Variants in TMEM170A observed in about 807,000 individuals in gnomAD.
TMEM170A encodes the protein transmembrane protein 170.
A neutral mutation model predicts 12.8 loss-of-function variants in TMEM170A; 18 were observed. The ratio of observed to expected loss-of-function variants is 1.41; its 90% CI spans 0.97 to 2.09. The LOEUF (loss-of-function observed/expected upper bound fraction) is 2.09, where lower values mean the gene tolerates loss of function less well. Among genes scored for constraint, TMEM170A ranks in the 30% most tolerant of loss-of-function variants. TMEM170A has a pLI of 0.00. For synonymous variants in TMEM170A, 107 were observed against 76.2 expected, an observed-to-expected ratio of 1.40 and a Z score of -2.11; for missense variants, 220 against 179.9, an observed-to-expected ratio of 1.22 and a Z score of -1.28.
chr16:75,450,196 A>C lies in TMEM170A; in HGVS notation c.304+1473T>G, dbSNP rs967629221. 1.1e-4 allele frequency among the ~76,000 whole-genome samples: 16 copies of C among 151,914 alleles called. 2 individuals are homozygous for C. The highest frequency in any genetic ancestry group is 6.6e-4 in the Admixed American group (10 of 15,230). Reference sequence around the variant, plus strand: ...ACTTTCTCTCAAAAAAAAAAAAAAAAAACACCTCAAGTCAAAGACATAGAG... The same window carrying C: ...ACTTTCTCTCAAAAAAAAAAAAAAACAACACCTCAAGTCAAAGACATAGAG... On this transcript the variant is annotated intron_variant, in intron 2 of 2. Transcript: ENST00000561878.
At chr16:75,456,356 G>A (rs1420489955) in intron 1 of TMEM170A, among the ~76,000 whole-genome samples, 3 of 152,130 alleles carry the variant, frequency 2.0e-5, no homozygotes, top group Non-Finnish European at 4.4e-5. Context: ...TGGAGGCTGA[G>A]GCGGGTGGAT....
chr16:75,456,157 C>A (rs904177157), intron 1 of TMEM170A, among the ~76,000 whole-genome samples: 2 of 152,078 alleles, frequency 1.3e-5, no homozygotes, highest in African/African-American at 4.8e-5. Flanking sequence ...AAATTCTTTG[C>A]CCATTTTGAG....
intron 1 of TMEM170A, among the ~76,000 whole-genome samples, chr16:75,461,651 G>C (rs1250121873): frequency 6.6e-6 from 1 of 152,192 alleles, no homozygotes; most frequent in East Asian, 1.9e-4. Flanking sequence ...TCCTGCCAAA[G>C]ATGAGACACA....
chr16:75,462,461 A>T (rs1272346905), intron 1 of TMEM170A, among the ~76,000 whole-genome samples: 1 of 152,220 alleles, frequency 6.6e-6, no homozygotes. Context: ...CGCCTGCCTC[A>T]GCCTCCCAAA....
intron 1 of TMEM170A, 123 bp downstream of exon 1, chr16:75,464,345 G>C: frequency 7.4e-7 from 1 of 1,351,864 alleles, no homozygotes; most frequent in Admixed American, 4.6e-5. Context: ...CCCCCCTCCC[G>C]GAGGACAGCG....
intron 1 of TMEM170A, among the ~76,000 whole-genome samples, chr16:75,458,055 T>C (rs909102783): frequency 6.6e-6 from 1 of 152,254 alleles, no homozygotes; most frequent in African/African-American, 2.4e-5. Context: ...TTGCCATCTA[T>C]TTAATAGCTA....
At chr16:75,458,223 ATGG>A (rs368282056) in intron 1 of TMEM170A, 1 of 152,214 alleles carries the variant, frequency 6.6e-6, no homozygotes, top group African/African-American at 2.4e-5. Context: ...TCATCTCCCT[ATGG>A]TGAAGGTAAA....
Position 75,464,388 on chromosome 16 carries a change from C to T in TMEM170A, c.133+80G>A, listed in dbSNP as rs1026049801. On this transcript the variant is annotated intron_variant, in intron 1 of 2. Coordinates refer to ENST00000561878, the MANE Select transcript of TMEM170A (RefSeq NM_145254.3). Reference sequence around the variant, plus strand: ...CGCCAGCAGGCTGCGCACCCGGGACCCCGCCCAGACTCGGGGCGCCCACAG... The same window carrying T: ...CGCCAGCAGGCTGCGCACCCGGGACTCCGCCCAGACTCGGGGCGCCCACAG... The T allele has an allele frequency of 4.3e-6, 6 of 1,380,300 alleles. No homozygotes were observed. The African/African-American group carries it at 4.6e-5, about 11-fold the overall frequency. The allele number at this position is 1,380,300 out of a possible 1,614,324, so 85.5% of individuals were successfully genotyped here.
intron 1 of TMEM170A, among the ~76,000 whole-genome samples, chr16:75,452,473 G>T (rs756441115): frequency 6.6e-6 from 1 of 151,822 alleles, no homozygotes; most frequent in Non-Finnish European, 1.5e-5. Context: ...ATGAGACAGG[G>T]TCTCACTACT....
intron 1 of TMEM170A, among the ~76,000 whole-genome samples, chr16:75,456,719 G>C (rs2079805015): frequency 6.6e-6 from 1 of 152,154 alleles, no homozygotes; most frequent in African/African-American, 2.4e-5. Flanking sequence ...CCTGCATCTG[G>C]ATACTGCTCC....
intron 1 of TMEM170A, 135 bp from the exon 2 acceptor site, chr16:75,451,974 T>C (rs1379646025): frequency 2.8e-5 from 23 of 829,314 alleles, no homozygotes; most frequent in Non-Finnish European, 4.0e-5. Flanking sequence ...ATTTTTATTA[T>C]TTTTAATTTT....
At chr16:75,464,364 G>A (rs1255076309) in intron 1 of TMEM170A, 104 bp downstream of exon 1, 11 of 1,377,574 alleles carry the variant, frequency 8.0e-6, no homozygotes, top group East Asian at 6.2e-5. Context: ...CGCCCACGCC[G>A]CCAGCAGGCT....
At chr16:75,457,432 T>A (rs2079819529) in intron 1 of TMEM170A, among the ~76,000 whole-genome samples, 1 of 152,190 alleles carries the variant, frequency 6.6e-6, no homozygotes, top group Admixed American at 6.6e-5. Flanking sequence ...TCTCAATCTC[T>A]TGATACCTCT....
intron 1 of TMEM170A, among the ~76,000 whole-genome samples, chr16:75,454,534 C>T (rs1358740355): frequency 1.3e-5 from 2 of 152,022 alleles, no homozygotes; most frequent in African/African-American, 2.4e-5. Context: ...ACTTGGGAGG[C>T]TGAGGCAGGA....
chr16:75,462,568 G>A (rs1329712226), intron 1 of TMEM170A, among the ~76,000 whole-genome samples: 4 of 152,170 alleles, frequency 2.6e-5, no homozygotes, highest in South Asian at 2.1e-4. Flanking sequence ...GGTAGGTAGC[G>A]TTCTGACCAA....
chr16:75,464,673 C>A lies in TMEM170A; in HGVS notation c.-73G>T. On this transcript the variant is annotated 5_prime_UTR_variant, in exon 1 of 3. It adds an upstream start codon to the 5' untranslated region. Transcript: ENST00000561878. Reference sequence around the variant, plus strand: ...CGGTAGCGGCCGGCGCCGACTCACCCTCGCCGCCTCAGCGTCACCTCCAGC... The same window carrying A: ...CGGTAGCGGCCGGCGCCGACTCACCATCGCCGCCTCAGCGTCACCTCCAGC... The A allele has an allele frequency of 6.6e-7, 1 of 1,515,956 alleles. No homozygotes were observed. Among genetic ancestry groups the A allele is most frequent in the Non-Finnish European group, 8.8e-7 (1 of 1,140,326 alleles). 93.9% of individuals were successfully genotyped at this position (1,515,956 alleles called of 1,614,324 possible).
In TMEM170A at chr16:75,462,840, T is replaced by C. The variant is rs148650657; in HGVS notation, c.133+1628A>G. The stretch of plus-strand genomic sequence containing the variant: ...GGAAATGTAAACAAGGCCCACACAT[T>C]AGGTAACATTATTCTATGATGTTCA... On this transcript the variant is annotated intron_variant, in intron 1 of 2. Coordinates refer to ENST00000561878, the MANE Select transcript of TMEM170A (RefSeq NM_145254.3). Among the ~76,000 whole-genome samples the C allele has an allele frequency of 5.4e-3, 827 of 152,288 alleles. 9 individuals carry two copies. The highest frequency in any genetic ancestry group is 0.019 in the African/African-American group (772 of 41,560).
intron 1 of TMEM170A, among the ~76,000 whole-genome samples, chr16:75,453,597 C>G (rs2079728016): frequency 6.6e-6 from 1 of 152,258 alleles, no homozygotes; most frequent in African/African-American, 2.4e-5. Context: ...CAATTATATT[C>G]ATTCCACAAT....
At chr16:75,455,267 G>A (rs2079768878) in intron 1 of TMEM170A, among the ~76,000 whole-genome samples, 1 of 149,076 alleles carries the variant, frequency 6.7e-6, no homozygotes, top group Admixed American at 6.8e-5. Context: ...TGAGGCAGGA[G>A]AATAGTGTGA....
Sources: allele counts gnomAD v4.1 joint callset (sites outside exome capture counted in the v4.1 genomes callset), GRCh38; gene constraint gnomAD v4.1.1; transcripts MANE v1.5; gene names NCBI Gene and HGNC (gene_info 2026-07-23, HGNC 2026-07-21).